PIK3R6: variants seen among roughly 807,000 people sequenced by gnomAD.
PIK3R6 encodes the protein phosphoinositide 3-kinase regulatory subunit 6.
A neutral mutation model predicts 84.9 loss-of-function variants in PIK3R6; 91 were observed. The ratio of observed to expected loss-of-function variants is 1.07; its 90% CI spans 0.90 to 1.28. The LOEUF (loss-of-function observed/expected upper bound fraction) is 1.28, where lower values mean the gene tolerates loss of function less well. Ranked by LOEUF, PIK3R6 falls within the 50% of genes most tolerant of loss-of-function variation. The pLI is 0.00. For missense variants in PIK3R6, 996 were observed against 985.1 expected, an observed-to-expected ratio of 1.01 and a Z score of -0.15; for synonymous variants, 416 against 411.4, an observed-to-expected ratio of 1.01 and a Z score of -0.13.
chr17:8,819,848 GTATA>G (rs1195909616), intron 17 of PIK3R6, among the ~76,000 whole-genome samples: 1 of 141,950 alleles, frequency 7.0e-6, no homozygotes, highest in Non-Finnish European at 1.5e-5. Flanking sequence ...ACATATATAT[GTATA>G]TATAGACACA....
At chr17:8,815,282 C>T (rs1023620387) in intron 18 of PIK3R6, among the ~76,000 whole-genome samples, 34 of 152,214 alleles carry the variant, frequency 2.2e-4, no homozygotes, top group African/African-American at 7.9e-4. Flanking sequence ...CCAAGGCAGG[C>T]GGACCACGAG....
chr17:8,850,885 A>T (rs2088940266), intron 1 of PIK3R6, among the ~76,000 whole-genome samples: 1 of 152,228 alleles, frequency 6.6e-6, no homozygotes, highest in Non-Finnish European at 1.5e-5. Flanking sequence ...AAGGCTCTAG[A>T]AGAGTTAGAA....
At chr17:8,829,672 ACC>A (rs2088163674) in intron 10 of PIK3R6, 32 bp downstream of exon 10, 1 of 1,534,284 alleles carries the variant, frequency 6.5e-7, no homozygotes, top group Non-Finnish European at 8.8e-7. Flanking sequence ...ACAGACATAT[ACC>A]ACTGTTTCCA....
intron 18 of PIK3R6, among the ~76,000 whole-genome samples, chr17:8,817,346 G>T (rs1027530214): frequency 6.6e-6 from 1 of 152,112 alleles, no homozygotes; most frequent in Non-Finnish European, 1.5e-5. Flanking sequence ...TTGTTTATAG[G>T]TTAAAACATT....
Position 8,844,093 on chromosome 17 carries a change from G to A in PIK3R6, c.14-4396C>T, listed in dbSNP as rs750317956. Among the ~76,000 whole-genome samples, 8 of 152,118 alleles carry A rather than the reference G, an allele frequency of 5.3e-5. No homozygotes were observed. Among genetic ancestry groups the A allele is most frequent in the South Asian group, 2.1e-4 (1 of 4,826 alleles). ...GGCTGGGACAAAGCTTACCAGTGGC[G>A]GCAAAGGTCAGATGAAGGCCGCTAA... On this transcript the variant is annotated intron_variant, in intron 2 of 19. Coordinates refer to ENST00000619866, the MANE Select transcript of PIK3R6 (RefSeq NM_001010855.4). This position sits in a 1 kb window ranked among gnomAD's most constrained non-coding sequence, Gnocchi z 4.5.
At chr17:8,822,769 C>A in intron 15 of PIK3R6, 112 bp from the exon 16 acceptor site, 1 of 1,171,728 alleles carries the variant, frequency 8.5e-7, no homozygotes, top group Non-Finnish European at 1.2e-6. Context: ...ATCCATCCAT[C>A]TCCCTGGATG....
In PIK3R6 at chr17:8,842,874, T is replaced by C. The variant is rs2088721089; in HGVS notation, c.14-3177A>G. Among the ~76,000 whole-genome samples, 1 of 152,214 alleles carries C rather than the reference T, an allele frequency of 6.6e-6. No individual in the cohort carries two copies. On this transcript the variant is annotated intron_variant, in intron 2 of 19. Coordinates refer to ENST00000619866, the MANE Select transcript of PIK3R6 (RefSeq NM_001010855.4). This position sits in a 1 kb window ranked among gnomAD's most constrained non-coding sequence, Gnocchi z 4.5. ...CAGATTCCTTTGGAAGTAAGTAGAA[T>C]AGAGATAACAAATTTAAAAATCAGC... is the stretch of plus-strand genomic sequence containing the variant.
intron 12 of PIK3R6, 138 bp from the exon 13 acceptor site, chr17:8,827,432 T>C (rs2087959051): frequency 9.4e-7 from 1 of 1,065,270 alleles, no homozygotes; most frequent in African/African-American, 1.6e-5. Flanking sequence ...TGAAGACACG[T>C]CGTTGTTCTG....
intron 1 of PIK3R6, among the ~76,000 whole-genome samples, chr17:8,853,495 AAAAATAAT>A (rs1161044315): frequency 2.0e-5 from 3 of 147,496 alleles, no homozygotes; most frequent in African/African-American, 7.5e-5. Context: ...AAAAAAAAAA[AAAAATAAT>A]AATAATAATA....
Position 8,803,422 on chromosome 17 carries a change from C to T in PIK3R6, c.2116G>A (p.Val706Ile), listed in dbSNP as rs1480472369. Residue 706 changes from valine to isoleucine, a missense_variant, in exon 20 of 20, where the codon GTT becomes ATT. Physicochemically the swap from Val to Ile is conservative, Grantham distance 29. Transcript: ENST00000619866. The surrounding 1 kb of genome is among the most constrained non-coding windows in gnomAD (Gnocchi z 5.0). ...GAACATGGTTCTGGGCAGGGAGCAA[C>T]CTCGAATCTGTGGGTGGAGAGAGAC... The part of the protein sequence containing the change: ...RTFRDVVRFE[V>I]APCPEPCSGA... 6.2e-7 allele frequency: 1 copy of T among 1,603,688 alleles called. No individual in the cohort carries two copies. The highest frequency in any genetic ancestry group is 8.5e-7 in the Non-Finnish European group (1 of 1,175,238).
In PIK3R6 at chr17:8,864,436, T is replaced by C. The variant is rs568818684; in HGVS notation, c.-92+3093A>G. 9.2e-5 allele frequency among the ~76,000 whole-genome samples: 14 copies of C among 151,558 alleles called. No homozygotes were observed. The East Asian group carries it at 2.7e-3, about 29-fold the overall frequency. ...TCTGGAGTCTCATGTCTTCTGCTGG[T>C]GACCATGAAGCTGTGGTGGGCTAAC... On this transcript the variant is annotated intron_variant, in intron 1 of 19. Transcript: ENST00000619866.
chr17:8,847,000 A>G (rs1020177007), intron 2 of PIK3R6, among the ~76,000 whole-genome samples: 2 of 152,174 alleles, frequency 1.3e-5, no homozygotes, highest in East Asian at 3.9e-4. Flanking sequence ...CTGTGGTGAG[A>G]GTGAGAATAA....
In PIK3R6 at chr17:8,822,396, T is replaced by C. The variant is rs7217238; in HGVS notation, c.1788+191A>G. Among the ~76,000 whole-genome samples, 3,652 of 152,236 alleles carry C rather than the reference T, an allele frequency of 0.024. 153 individuals are homozygous for C. Among genetic ancestry groups the C allele is most frequent in the African/African-American group, 0.082 (3,394 of 41,528 alleles). ...TTCCTTAAATCTGATCACCTCCTGG[T>C]CTACATGTAAGGCCAACTTAACCCA... is the stretch of plus-strand genomic sequence containing the variant. On this transcript the variant is annotated intron_variant, in intron 16 of 19. Coordinates refer to ENST00000619866, the MANE Select transcript of PIK3R6 (RefSeq NM_001010855.4).
chr17:8,864,232 C>T (rs2089349608), intron 1 of PIK3R6, among the ~76,000 whole-genome samples: 1 of 152,116 alleles, frequency 6.6e-6, no homozygotes, highest in Non-Finnish European at 1.5e-5. Context: ...GGTTTGTTTG[C>T]AGCTCGTCAT....
rs543710657 is a variant in PIK3R6 at position 8,829,459 on chromosome 17, C to G, written c.889+247G>C. 5.3e-5 allele frequency among the ~76,000 whole-genome samples: 8 copies of G among 150,380 alleles called. No homozygotes were observed. The East Asian group carries it at 5.9e-4, about 11-fold the overall frequency. On this transcript the variant is annotated intron_variant, in intron 10 of 19. Coordinates refer to ENST00000619866, the MANE Select transcript of PIK3R6 (RefSeq NM_001010855.4). ...ATACACACACTGACACGCATCCACA[C>G]ACATACACTGACACACACTCATGCA...
intron 2 of PIK3R6, among the ~76,000 whole-genome samples, chr17:8,843,935 G>T (rs2088754686): frequency 6.6e-6 from 1 of 152,184 alleles, no homozygotes; most frequent in South Asian, 2.1e-4. Flanking sequence ...AAGCTGGATT[G>T]TCTAAAAAGG....
chr17:8,865,386 T>C (rs550366014), intron 1 of PIK3R6, among the ~76,000 whole-genome samples: 13 of 152,278 alleles, frequency 8.5e-5, no homozygotes, highest in African/African-American at 2.9e-4. Flanking sequence ...GGCCTCCCTA[T>C]ACCACAGCTG....
Position 8,804,131 on chromosome 17 carries a change from G to C in PIK3R6, c.2018C>G (p.Thr673Arg). The change falls in exon 19 of 20, where the codon ACG (threonine) becomes AGG (arginine). Residue 673 changes from threonine (T) to arginine (R), a missense_variant. By Grantham distance (71) the Thr-to-Arg change is moderately conservative (BLOSUM62 -1). Transcript: ENST00000619866. The stretch of plus-strand genomic sequence containing the variant: ...CCGGCTCTGGATCTGGATATTGTTC[G>C]TCCTGAAGGTGTTGGTCACTGTCTG... ...SFSTVTNTFR[T>R]NNIQIQSRDQ... is the part of the protein sequence containing the mutation. 1 of 1,613,968 alleles carries C rather than the reference G, an allele frequency of 6.2e-7. No homozygotes were observed. Among genetic ancestry groups the C allele is most frequent in the Non-Finnish European group, 8.5e-7 (1 of 1,179,852 alleles).
chr17:8,804,233 G>T, intron 18 of PIK3R6, 80 bp from the exon 19 acceptor site: 1 of 1,194,918 alleles, frequency 8.4e-7, no homozygotes, highest in Non-Finnish European at 1.2e-6. Flanking sequence ...CCTGGAATCT[G>T]GTGTATTTCT....
Sources: allele counts gnomAD v4.1 joint callset (sites outside exome capture counted in the v4.1 genomes callset), GRCh38; gene constraint gnomAD v4.1.1; non-coding constraint Gnocchi (gnomAD v3.1); transcripts MANE v1.5; gene names NCBI Gene and HGNC (gene_info 2026-07-23, HGNC 2026-07-21).